Variants in ESRRG observed in about 807,000 individuals in gnomAD.
ESRRG encodes estrogen related receptor gamma.
Under a neutral mutation model 44.0 loss-of-function variants are expected in ESRRG, and 13 were observed. The observed-to-expected ratio is 0.30, with a 90% CI of 0.19 to 0.47. ESRRG has a LOEUF of 0.47. Among genes scored for constraint, ESRRG ranks in the 20% least tolerant of loss-of-function variants. The pLI, the probability that ESRRG is intolerant of heterozygous loss-of-function variation, is 1.00. For synonymous variants in ESRRG, 215 were observed against 214.6 expected (o/e 1.00, Z -0.02); for missense variants, 395 against 580.6 (o/e 0.68, Z 3.29).
intron 1 of ESRRG, among the ~76,000 whole-genome samples, chr1:216,948,690 T>C (rs573372856): frequency 6.6e-6 from 1 of 152,238 alleles, no homozygotes; most frequent in South Asian, 2.1e-4. Context: ...CAATCATAGC[T>C]CTGAGGCTTA....
rs550347544 is a variant in ESRRG, at chr1:217,032,210, C to A, written c.-106+57297G>T. On this transcript the variant is annotated intron_variant, in intron 1 of 7. Coordinates refer to the ESRRG transcript ENST00000359162. ...GCTACCTGTTGAATTTTTGCCTTTTCTACTTTCCTTGCCTTTTAACTACTG... is the reference window on the plus strand; with the variant it reads ...GCTACCTGTTGAATTTTTGCCTTTTATACTTTCCTTGCCTTTTAACTACTG... Among the ~76,000 whole-genome samples the A allele has an allele frequency of 8.2e-4, 125 of 152,320 alleles. 1 individual carries two copies. The highest frequency in any genetic ancestry group is 3.0e-3 in the African/African-American group (124 of 41,572).
At chr1:216,679,059 T>C (rs1382249121) in intron 1 of ESRRG, among the ~76,000 whole-genome samples, 4 of 152,180 alleles carry the variant, frequency 2.6e-5, no homozygotes, top group Non-Finnish European at 5.9e-5. Flanking sequence ...CCAAAGATAT[T>C]TCACTTTGAG....
intron 2 of ESRRG, among the ~76,000 whole-genome samples, chr1:216,669,928 A>T (rs894168476): frequency 1.3e-5 from 2 of 152,156 alleles, no homozygotes; most frequent in African/African-American, 4.8e-5. Context: ...ATTATATACA[A>T]CATTTCTTTG....
chr1:216,752,276 T>C (rs1195825572), intron 2 of ESRRG, among the ~76,000 whole-genome samples: 1 of 152,164 alleles, frequency 6.6e-6, no homozygotes, highest in African/African-American at 2.4e-5. Context: ...TTTCTAGCTG[T>C]ATAAGAAATT....
chr1:216,798,075 T>C (rs953328556), intron 2 of ESRRG, among the ~76,000 whole-genome samples: 6 of 152,178 alleles, frequency 3.9e-5, no homozygotes, highest in African/African-American at 7.2e-5. Flanking sequence ...ATTCTTTTCA[T>C]TGAACCAAGA....
At chr1:217,106,404 A>G (rs937652568) in intron 1 of ESRRG, among the ~76,000 whole-genome samples, 8 of 152,066 alleles carry the variant, frequency 5.3e-5, no homozygotes, top group African/African-American at 1.9e-4. Flanking sequence ...ACACACACAC[A>G]CACACACACA....
chr1:216,598,304 C>G (rs1291042284), intron 3 of ESRRG, among the ~76,000 whole-genome samples: 1 of 152,176 alleles, frequency 6.6e-6, no homozygotes, highest in African/African-American at 2.4e-5. Context: ...TAGCTTGGAA[C>G]CTCTGGTGGC....
At chr1:216,784,471 T>C (rs2094050555) in intron 2 of ESRRG, among the ~76,000 whole-genome samples, 2 of 152,172 alleles carry the variant, frequency 1.3e-5, no homozygotes, top group South Asian at 4.1e-4. Flanking sequence ...CAATCTAGAA[T>C]ATATGGGTAA....
At chr1:216,950,847 C>A (rs2066837285) in intron 1 of ESRRG, among the ~76,000 whole-genome samples, 1 of 152,016 alleles carries the variant, frequency 6.6e-6, no homozygotes, top group Non-Finnish European at 1.5e-5. Context: ...ATGGAGTATC[C>A]ACCTATTGAG....
At chr1:216,910,642 T>C (rs1342516242) in intron 2 of ESRRG, among the ~76,000 whole-genome samples, 1 of 152,198 alleles carries the variant, frequency 6.6e-6, no homozygotes, top group Non-Finnish European at 1.5e-5. Flanking sequence ...CAGAAGGCTA[T>C]TATACTCTTG....
intron 5 of ESRRG, among the ~76,000 whole-genome samples, chr1:216,545,901 G>A (rs947255407): frequency 6.6e-6 from 1 of 151,954 alleles, no homozygotes; most frequent in Non-Finnish European, 1.5e-5. Context: ...TGTCTGCTCT[G>A]CCCAAAAAAT....
chr1:216,725,709 A>G (rs1332029532), upstream of ESRRG, among the ~76,000 whole-genome samples: 1 of 152,148 alleles, frequency 6.6e-6, no homozygotes, highest in African/African-American at 2.4e-5. Flanking sequence ...CACACAAAAA[A>G]GAAAGAAACT....
At chr1:216,746,314 C>G (rs752568480) in intron 2 of ESRRG, among the ~76,000 whole-genome samples, 1 of 151,992 alleles carries the variant, frequency 6.6e-6, no homozygotes, top group Non-Finnish European at 1.5e-5. Flanking sequence ...TAGATGGAAG[C>G]AATGTATAAT....
Position 216,553,200 on chromosome 1 carries a change from G to T in ESRRG, c.862+11019C>A, listed in dbSNP as rs560080974. 4.6e-5 allele frequency among the ~76,000 whole-genome samples: 7 copies of T among 152,084 alleles called. No individual in the cohort carries two copies. The East Asian group carries it at 9.7e-4, about 21-fold the overall frequency. On this transcript the variant is annotated intron_variant, in intron 5 of 6. Transcript: ENST00000408911. Reference sequence around the variant, plus strand: ...CTCCTTCTCCCTCTCTCCCTCTGCAGCCCAGGCCACCATGTGCCCTGGCAC... The same window carrying T: ...CTCCTTCTCCCTCTCTCCCTCTGCATCCCAGGCCACCATGTGCCCTGGCAC...
At chr1:216,705,348 T>G (rs1387428928) in intron 1 of ESRRG, among the ~76,000 whole-genome samples, 1 of 146,436 alleles carries the variant, frequency 6.8e-6, no homozygotes, top group African/African-American at 2.4e-5. Context: ...TTATATCTAG[T>G]AAGGAAAAAA....
At chr1:216,775,573 TTTTTTTTTTTTTTTTTTTTA>T in intron 2 of ESRRG, among the ~76,000 whole-genome samples, 1 of 79,472 alleles carries the variant, frequency 1.3e-5, no homozygotes. Context: ...TTTTTTTTTT[TTTTTTTTTTTTTTTTTTTTA>T]GACAGCGTCT....
At chr1:216,527,205 C>T (rs1038248912) in intron 5 of ESRRG, among the ~76,000 whole-genome samples, 2 of 152,136 alleles carry the variant, frequency 1.3e-5, no homozygotes, top group African/African-American at 4.8e-5. Context: ...GAGTTTAGTG[C>T]TTGGTTGTAC....
chr1:216,516,545 TAA>T (rs2044311709), intron 6 of ESRRG, among the ~76,000 whole-genome samples: 1 of 151,792 alleles, frequency 6.6e-6, no homozygotes, highest in African/African-American at 2.4e-5. Context: ...TAGGAAAAGC[TAA>T]GATACCTACC....
intron 1 of ESRRG, among the ~76,000 whole-genome samples, chr1:217,009,972 G>A (rs1362152413): frequency 6.6e-6 from 1 of 151,952 alleles, no homozygotes; most frequent in Admixed American, 6.6e-5. Flanking sequence ...CCAAAGTGCT[G>A]GGATTACAAG....
Sources: gnomAD v4.1 joint callset for allele counts (sites outside exome capture counted in the v4.1 genomes callset) on GRCh38, gnomAD v4.1.1 for gene constraint, MANE v1.5 for transcripts, NCBI Gene and HGNC (gene_info 2026-07-23, HGNC 2026-07-21) for gene names.